Variants in FRMD6 observed in about 807,000 individuals in gnomAD.
The protein encoded by FRMD6 is FERM domain containing 6.
Under a neutral mutation model 73.2 loss-of-function variants are expected in FRMD6, and 37 were observed. The observed-to-expected ratio is 0.51, with a 90% confidence interval of 0.39 to 0.66. FRMD6 has a LOEUF of 0.66. Among genes scored for constraint, FRMD6 ranks in the 30% least tolerant of loss-of-function variants. The pLI, the probability that FRMD6 is intolerant of heterozygous loss-of-function variation, is 0.00. For missense variants in FRMD6, 714 were observed against 780.5 expected (o/e 0.91, Z 1.02); for synonymous variants, 273 against 282.2 (o/e 0.97, Z 0.33).
Position 51,689,792 on chromosome 14 carries a change from A to G in FRMD6, c.-45A>G, listed in dbSNP as rs1443406226. The G allele has an allele frequency of 2.5e-6, 3 of 1,190,372 alleles. No homozygotes were observed. Among genetic ancestry groups the G allele is most frequent in the Non-Finnish European group, 3.8e-6 (3 of 794,700 alleles). The allele number at this position is 1,190,372 out of a possible 1,614,324, so 73.7% of individuals were successfully genotyped here. On this transcript the variant is annotated 5_prime_UTR_variant, in exon 2 of 14. Coordinates refer to ENST00000344768, the MANE Select transcript of FRMD6 (RefSeq NM_001267046.2). ...AGTGCTGGGAACCTGAGGAATTGCC[A>G]AGGACCCAGAGCCCAGCCCTGACCA... is the stretch of plus-strand genomic sequence containing the variant.
intron 1 of FRMD6, among the ~76,000 whole-genome samples, chr14:51,664,391 GCTAA>G (rs1013177690): frequency 2.0e-5 from 3 of 152,168 alleles, no homozygotes. Context: ...TTTGAATTTT[GCTAA>G]CTGTCTGTAA....
intron 2 of FRMD6, among the ~76,000 whole-genome samples, chr14:51,619,251 A>G (rs982185209): frequency 1.3e-5 from 2 of 152,156 alleles, no homozygotes; most frequent in African/African-American, 4.8e-5. Flanking sequence ...TAATACATGT[A>G]CAGGAGGCCA....
At position 51,727,779 on chromosome 14, in the gene FRMD6, G is replaced by C; in HGVS notation, c.1619G>C (p.Arg540Pro). ...ICRKPKTSTD[R>P]HSLSLDDIRL... Reference sequence around the variant, plus strand: ...CGGAAACCAAAGACCTCCACTGATCGACACAGCTTGAGCCTCGATGACATC... The same window carrying C: ...CGGAAACCAAAGACCTCCACTGATCCACACAGCTTGAGCCTCGATGACATC... Residue 540 changes from arginine (R) to proline (P), a missense_variant, in exon 14 of 14, where the codon CGA becomes CCA. Arg to Pro is a moderately radical substitution (Grantham distance 103). Transcript: ENST00000344768. 6.2e-7 allele frequency: 1 copy of C among 1,610,274 alleles called. No individual in the cohort carries two copies. The highest frequency in any genetic ancestry group is 8.5e-7 in the Non-Finnish European group (1 of 1,176,782).
At chr14:51,725,739 T>A (rs778472562) in intron 12 of FRMD6, 40 bp from the exon 13 acceptor site, 2 of 1,364,634 alleles carry the variant, frequency 1.5e-6, no homozygotes, top group South Asian at 2.3e-5. Context: ...TGTGAATAAT[T>A]TGAAGTATTT....
Position 51,730,618 on chromosome 14 carries a change from A to G in FRMD6, c.*2589A>G, listed in dbSNP as rs1898208041. 6.6e-6 allele frequency: 1 copy of G among 152,554 alleles called. No individual in the cohort carries two copies. The allele number at this position is 152,554 out of a possible 1,614,324, so 9.5% of individuals were successfully genotyped here. Reference sequence around the variant, plus strand: ...TTTCTGTGAAAGGATCATCATATCAAGATGATACCAAAAGTATGTAAAAAG... The same window carrying G: ...TTTCTGTGAAAGGATCATCATATCAGGATGATACCAAAAGTATGTAAAAAG... On this transcript the variant is annotated 3_prime_UTR_variant, in exon 14 of 14. Coordinates refer to ENST00000344768, the MANE Select transcript of FRMD6 (RefSeq NM_001267046.2).
At position 51,551,786 on chromosome 14, in the gene FRMD6, T is replaced by C. The variant is rs1007394010; in HGVS notation, c.-209-18562T>C. Among the ~76,000 whole-genome samples the C allele has an allele frequency of 5.3e-5, 8 of 151,794 alleles. 1 individual carries two copies. The highest frequency in any genetic ancestry group is 5.3e-4 in the Admixed American group (8 of 15,236). On this transcript the variant is annotated intron_variant, in intron 1 of 14. Transcript: ENST00000356218. The stretch of plus-strand genomic sequence containing the variant: ...TATATAATATATGTAATACATTTTA[T>C]ACAAATATACAAATAAATGCATATA...
chr14:51,628,770 C>T (rs1891211916), intron 2 of FRMD6, among the ~76,000 whole-genome samples: 1 of 128,728 alleles, frequency 7.8e-6, no homozygotes, highest in South Asian at 2.5e-4. Flanking sequence ...CACTCCACTC[C>T]AGCCTGGGTG....
At chr14:51,491,578 T>G (rs981725543) in intron 1 of FRMD6, 25 of 152,326 alleles carry the variant, frequency 1.6e-4, no homozygotes, top group Admixed American at 1.0e-3. Flanking sequence ...ATTTATTCTT[T>G]ACAACAACCC....
chr14:51,654,195 T>C (rs1594665629), intron 1 of FRMD6, among the ~76,000 whole-genome samples: 1 of 151,496 alleles, frequency 6.6e-6, no homozygotes, highest in Non-Finnish European at 1.5e-5. Flanking sequence ...GAAAACAGCA[T>C]GGGCCTGGAT....
intron 2 of FRMD6, among the ~76,000 whole-genome samples, chr14:51,593,915 A>G (rs1014181535): frequency 1.3e-5 from 2 of 151,982 alleles, no homozygotes; most frequent in Non-Finnish European, 2.9e-5. Context: ...CAAAATTTTC[A>G]TTTCTCCTTT....
At chr14:51,664,184 C>T (rs1893415866) in intron 1 of FRMD6, among the ~76,000 whole-genome samples, 2 of 152,146 alleles carry the variant, frequency 1.3e-5, no homozygotes, top group Non-Finnish European at 2.9e-5. Context: ...CCATCATTCA[C>T]AGAGTAGATG....
Position 51,643,173 on chromosome 14 carries a change from G to A in FRMD6, c.-146-46518G>A, listed in dbSNP as rs186893269. Among the ~76,000 whole-genome samples the A allele has an allele frequency of 5.3e-5, 8 of 152,288 alleles. No individual in the cohort carries two copies. The East Asian group carries it at 1.5e-3, about 29-fold the overall frequency. Reference sequence around the variant, plus strand: ...ACCAGGGATAATATCTTCTTCAAAGGGCTGTTGTGAAGATTCAACAAGGTA... The same window carrying A: ...ACCAGGGATAATATCTTCTTCAAAGAGCTGTTGTGAAGATTCAACAAGGTA... On this transcript the variant is annotated intron_variant, in intron 2 of 14. Coordinates refer to the FRMD6 transcript ENST00000356218.
intron 1 of FRMD6, among the ~76,000 whole-genome samples, chr14:51,530,922 A>T (rs1041371253): frequency 4.6e-5 from 7 of 152,242 alleles, no homozygotes; most frequent in African/African-American, 1.4e-4. Flanking sequence ...TGGGTAATTT[A>T]TAATGAACAC....
At chr14:51,585,801 T>C (rs2139687787) in intron 2 of FRMD6, among the ~76,000 whole-genome samples, 1 of 151,386 alleles carries the variant, frequency 6.6e-6, no homozygotes, top group South Asian at 2.1e-4. Context: ...TGAGTGAGAA[T>C]ATGCAATATT....
intron 2 of FRMD6, among the ~76,000 whole-genome samples, chr14:51,617,260 CA>C (rs1156992609): frequency 5.3e-5 from 8 of 151,806 alleles, no homozygotes; most frequent in Non-Finnish European, 1.2e-4. Flanking sequence ...GATAGCCTGG[CA>C]AAAAAGTGGC....
At chr14:51,416,458 C>T in the FRMD6 span, among the ~76,000 whole-genome samples, 30 of 152,196 alleles carry the variant, frequency 2.0e-4, no homozygotes, top group Admixed American at 5.2e-4. Flanking sequence ...TGTAGTTGTG[C>T]GGTTTTGAGT....
At chr14:51,622,570 C>T (rs1010596047) in intron 2 of FRMD6, among the ~76,000 whole-genome samples, 1 of 152,154 alleles carries the variant, frequency 6.6e-6, no homozygotes, top group Non-Finnish European at 1.5e-5. Context: ...ATAGTACCAA[C>T]TGGTAGAGTT....
chr14:51,406,927 GT>G, the FRMD6 span, among the ~76,000 whole-genome samples: 3 of 152,022 alleles, frequency 2.0e-5, no homozygotes, highest in South Asian at 2.1e-4. Flanking sequence ...TGTTGTTGGT[GT>G]TAAAAAATGC....
At chr14:51,471,223 C>T in the FRMD6 span, among the ~76,000 whole-genome samples, 1 of 152,092 alleles carries the variant, frequency 6.6e-6, no homozygotes, top group South Asian at 2.1e-4. Flanking sequence ...GGTGCGGTGG[C>T]TCACGCTTAT....
Sources: gnomAD v4.1 joint callset for allele counts (sites outside exome capture counted in the v4.1 genomes callset) on GRCh38, gnomAD v4.1.1 for gene constraint, MANE v1.5 for transcripts, NCBI Gene and HGNC (gene_info 2026-07-23, HGNC 2026-07-21) for gene names.